Variants in FAM163A observed in about 807,000 individuals in gnomAD.
The protein encoded by FAM163A is protein FAM163A.
In FAM163A, 7 loss-of-function variants were observed where a neutral mutation model predicts 12.0. The ratio of observed to expected loss-of-function variants is 0.58; its 90% CI spans 0.33 to 1.10. The LOEUF (loss-of-function observed/expected upper bound fraction) is 1.10. Among genes scored for constraint, FAM163A ranks in the 50% least tolerant of loss-of-function variants. FAM163A has a pLI of 0.03. For missense variants in FAM163A, 202 were observed against 218.6 expected (o/e 0.92, Z 0.48); for synonymous variants, 101 against 91.0 (o/e 1.11, Z -0.62).
intron 1 of FAM163A, among the ~76,000 whole-genome samples, chr1:179,749,609 T>C (rs1258281568): frequency 6.6e-6 from 1 of 152,172 alleles, no homozygotes; most frequent in Non-Finnish European, 1.5e-5. Context: ...CCCAGTACTT[T>C]GGGAGGCCAA....
At chr1:179,776,262 C>G (rs144118285) in intron 1 of FAM163A, among the ~76,000 whole-genome samples, 1 of 151,936 alleles carries the variant, frequency 6.6e-6, no homozygotes, top group African/African-American at 2.4e-5. Flanking sequence ...GTTGGGTGGC[C>G]GAGGTGAGCT....
At chr1:179,728,080 G>T in the FAM163A span, among the ~76,000 whole-genome samples, 5 of 152,120 alleles carry the variant, frequency 3.3e-5, no homozygotes, top group African/African-American at 1.2e-4. Context: ...GAATATTGTT[G>T]CACAGGTTAA....
At chr1:179,769,075 A>G (rs1687907134) in intron 1 of FAM163A, among the ~76,000 whole-genome samples, 1 of 152,202 alleles carries the variant, frequency 6.6e-6, no homozygotes, top group African/African-American at 2.4e-5. Flanking sequence ...GAAAGTATGG[A>G]TGAAACTAGG....
chr1:179,800,279 G>GA (rs1175193412), intron 1 of FAM163A, among the ~76,000 whole-genome samples: 5 of 152,272 alleles, frequency 3.3e-5, no homozygotes, highest in Middle Eastern at 3.4e-3. Flanking sequence ...AGTTTTTGCT[G>GA]AAAAAAACAT....
rs750417965 is a variant in FAM163A, at chr1:179,813,831, G to A, written c.146G>A (p.Arg49Gln). ...GTEVADEEEE[R>Q]EHDLPTHPRG... ...GAGGTTGCAGACGAGGAGGAGGAGC[G>A]GGAGCACGACCTTCCCACGCATCCC... The change falls in exon 5 of 5, where the codon CGG (arginine) becomes CAG (glutamine). Residue 49 changes from arginine to glutamine, a missense_variant. Coordinates refer to ENST00000341785, the MANE Select transcript of FAM163A (RefSeq NM_173509.3). 1.9e-6 allele frequency: 3 copies of A among 1,613,930 alleles called. No homozygotes were observed. Among genetic ancestry groups the A allele is most frequent in the South Asian group, 1.1e-5 (1 of 91,084 alleles).
At chr1:179,778,738 T>G (rs72708629) in intron 1 of FAM163A, among the ~76,000 whole-genome samples, 12,394 of 151,482 alleles carry the variant, frequency 0.082, 1,223 homozygotes, top group African/African-American at 0.24. Flanking sequence ...AGGCCTGCAG[T>G]GGTGTGCAGT....
Position 179,814,138 on chromosome 1 carries a change from C to T in FAM163A, c.453C>T (p.Gly151=), listed in dbSNP as rs766370723. The change falls in exon 5 of 5, where the codon GGC becomes GGT. Residue 151 remains glycine, a synonymous_variant. Coordinates refer to ENST00000341785, the MANE Select transcript of FAM163A (RefSeq NM_173509.3). ...APQSYPVTWP[G]SGREAFTNPR... is the part of the protein sequence containing the mutation. ...AGAGTTACCCGGTGACCTGGCCAGG[C>T]TCTGGGCGTGAGGCCTTCACCAATC... 1.3e-5 allele frequency: 21 copies of T among 1,614,088 alleles called. No individual in the cohort carries two copies. The highest frequency in any genetic ancestry group is 1.8e-5 in the Non-Finnish European group (21 of 1,180,040).
chr1:179,766,570 G>T (rs1267560359), intron 1 of FAM163A, among the ~76,000 whole-genome samples: 1 of 152,180 alleles, frequency 6.6e-6, no homozygotes. Context: ...AGATACACAT[G>T]TTAAATAAAT....
chr1:179,786,597 C>T (rs1339451883), intron 1 of FAM163A, among the ~76,000 whole-genome samples: 2 of 152,220 alleles, frequency 1.3e-5, no homozygotes, highest in East Asian at 1.9e-4. Flanking sequence ...CTGCTAAGCC[C>T]TCTGACATAA....
chr1:179,807,556 C>T (rs1694118904), intron 1 of FAM163A, among the ~76,000 whole-genome samples: 2 of 152,230 alleles, frequency 1.3e-5, no homozygotes, highest in Admixed American at 6.5e-5. Context: ...CACAGGCTTC[C>T]AGCAGCAGCA....
chr1:179,812,987 A>T, intron 3 of FAM163A, 89 bp from the exon 4 acceptor site: 1 of 1,251,580 alleles, frequency 8.0e-7, no homozygotes, highest in East Asian at 2.6e-5. Context: ...CCCCTGCCCC[A>T]GCCTCGGGGC....
At chr1:179,807,401 AG>A (rs1234060739) in intron 1 of FAM163A, among the ~76,000 whole-genome samples, 3 of 152,192 alleles carry the variant, frequency 2.0e-5, no homozygotes, top group Non-Finnish European at 2.9e-5. Flanking sequence ...TGTTAAGAGC[AG>A]GGTCAGTCAT....
intron 1 of FAM163A, among the ~76,000 whole-genome samples, chr1:179,744,863 T>A (rs1684234346): frequency 6.6e-6 from 1 of 152,202 alleles, no homozygotes; most frequent in African/African-American, 2.4e-5. Context: ...ACACATGTTT[T>A]ATGTCGTGTG....
intron 1 of FAM163A, among the ~76,000 whole-genome samples, chr1:179,752,423 A>T (rs1165306759): frequency 1.3e-5 from 2 of 151,996 alleles, no homozygotes; most frequent in African/African-American, 4.8e-5. Context: ...CACAGGCCAC[A>T]AAAGCAAAAA....
At chr1:179,777,774 G>T (rs1297957825) in intron 1 of FAM163A, among the ~76,000 whole-genome samples, 1 of 152,156 alleles carries the variant, frequency 6.6e-6, no homozygotes, top group African/African-American at 2.4e-5. Context: ...TCCTCTCAAG[G>T]CTTAGTGGAA....
At chr1:179,795,320 T>C (rs569491371) in intron 1 of FAM163A, among the ~76,000 whole-genome samples, 1 of 152,336 alleles carries the variant, frequency 6.6e-6, no homozygotes, top group African/African-American at 2.4e-5. Context: ...CATCTGTGGC[T>C]TGAATGTGTC....
At chr1:179,800,704 A>C (rs2148311156) in intron 1 of FAM163A, among the ~76,000 whole-genome samples, 1 of 152,256 alleles carries the variant, frequency 6.6e-6, no homozygotes, top group South Asian at 2.1e-4. Flanking sequence ...CATTTTCCTT[A>C]GCGCTCAGTA....
intron 1 of FAM163A, among the ~76,000 whole-genome samples, chr1:179,747,828 A>G (rs1295110440): frequency 1.3e-5 from 2 of 152,158 alleles, no homozygotes; most frequent in African/African-American, 2.4e-5. Flanking sequence ...GGCACAGTTC[A>G]GAAACAAAGC....
At chr1:179,759,295 C>T (rs573473413) in intron 1 of FAM163A, among the ~76,000 whole-genome samples, 1 of 151,994 alleles carries the variant, frequency 6.6e-6, no homozygotes, top group South Asian at 2.1e-4. Context: ...CACCTCCCCA[C>T]TCCCATCACA....
Sources: allele counts gnomAD v4.1 joint callset (sites outside exome capture counted in the v4.1 genomes callset), GRCh38; gene constraint gnomAD v4.1.1; transcripts MANE v1.5; gene names NCBI Gene and HGNC (gene_info 2026-07-23, HGNC 2026-07-21).